SV2C: variants seen among roughly 807,000 people sequenced by gnomAD.
SV2C encodes synaptic vesicle glycoprotein 2C, also known as solute carrier family 22 member B3.
SV2C carries 49 observed loss-of-function variants against 79.7 expected under a neutral mutation model. That is an observed-to-expected ratio of 0.61 (90% CI 0.49 to 0.78). The LOEUF (loss-of-function observed/expected upper bound fraction) is 0.78, where lower values mean the gene tolerates loss of function less well. SV2C is among the 30% of genes least tolerant of loss of function. The pLI is 0.00. For synonymous variants in SV2C, 334 were observed against 333.2 expected (o/e 1.00, Z -0.03); for missense variants, 833 against 912.9 (o/e 0.91, Z 1.13).
upstream of SV2C, among the ~76,000 whole-genome samples, chr5:76,081,241 A>T (rs892270745): frequency 6.6e-6 from 1 of 152,216 alleles, no homozygotes; most frequent in Non-Finnish European, 1.5e-5. Flanking sequence ...TCACGTTTAA[A>T]GTTTGTTTCA....
At chr5:75,980,759 T>C in the SV2C span, among the ~76,000 whole-genome samples, 1 of 152,178 alleles carries the variant, frequency 6.6e-6, no homozygotes, top group African/African-American at 2.4e-5. Context: ...AACATCATAC[T>C]GAATGAGAAA....
chr5:76,177,719 A>C (rs1743583960), intron 2 of SV2C, among the ~76,000 whole-genome samples: 1 of 151,722 alleles, frequency 6.6e-6, no homozygotes, highest in South Asian at 2.1e-4. Context: ...ATTGTATCTC[A>C]CACTCCTGTG....
At chr5:76,133,151 A>G (rs1046245099) in intron 2 of SV2C, among the ~76,000 whole-genome samples, 4 of 152,192 alleles carry the variant, frequency 2.6e-5, no homozygotes, top group Non-Finnish European at 5.9e-5. Context: ...GCATGCAGTG[A>G]ACTCTCCCCT....
At chr5:75,929,640 T>C in the SV2C span, among the ~76,000 whole-genome samples, 1,746 of 152,240 alleles carry the variant, frequency 0.011, 27 homozygotes, top group African/African-American at 0.038. Flanking sequence ...CACTTATGTA[T>C]ATGTACACAA....
intron 4 of SV2C, among the ~76,000 whole-genome samples, chr5:76,247,180 GACTA>G (rs373333131): frequency 1.9e-4 from 29 of 152,162 alleles, no homozygotes; most frequent in African/African-American, 6.5e-4. Flanking sequence ...CTTGAAGAAG[GACTA>G]ACTAAGGATC....
chr5:75,887,382 G>A, the SV2C span, among the ~76,000 whole-genome samples: 8 of 149,160 alleles, frequency 5.4e-5, no homozygotes, highest in African/African-American at 2.0e-4. Context: ...CCAGCCCCCC[G>A]TAACCAAGTT....
chr5:76,041,675 C>G, the SV2C span, among the ~76,000 whole-genome samples: 2 of 152,114 alleles, frequency 1.3e-5, no homozygotes, highest in Non-Finnish European at 2.9e-5. Flanking sequence ...GGAAAGCCCT[C>G]TAGCCTTGGT....
intron 2 of SV2C, among the ~76,000 whole-genome samples, chr5:76,141,251 G>A (rs1749241231): frequency 1.3e-5 from 2 of 152,198 alleles, no homozygotes; most frequent in Admixed American, 6.5e-5. Flanking sequence ...GTGAGAATTT[G>A]ATAGGAAAAT....
intron 2 of SV2C, among the ~76,000 whole-genome samples, chr5:76,149,128 TG>T (rs200383107): frequency 0.012 from 1,889 of 152,324 alleles, 38 homozygotes; most frequent in African/African-American, 0.044. Context: ...GTTTGATTCT[TG>T]CCTTCTGTAT....
chr5:76,273,087 A>G (rs1372598793), intron 4 of SV2C, among the ~76,000 whole-genome samples: 1 of 150,338 alleles, frequency 6.7e-6, no homozygotes, highest in African/African-American at 2.4e-5. Context: ...TTTGGTCAAC[A>G]TTTGACTATC....
At chr5:75,984,557 C>CTA in the SV2C span, among the ~76,000 whole-genome samples, 19,501 of 92,012 alleles carry the variant, frequency 0.21, 1,464 homozygotes, top group East Asian at 0.38. Flanking sequence ...ATCTATCTAT[C>CTA]TATCTATCTA....
chr5:76,313,780 T>C (rs187787787), intron 12 of SV2C, among the ~76,000 whole-genome samples: 150 of 152,326 alleles, frequency 9.8e-4, no homozygotes, highest in Non-Finnish European at 1.6e-3. Flanking sequence ...GACGCTTGTA[T>C]GTTCATTAGG....
chr5:76,312,269 G>A (rs1228725682), intron 12 of SV2C, among the ~76,000 whole-genome samples: 3 of 151,518 alleles, frequency 2.0e-5, no homozygotes, highest in Non-Finnish European at 2.9e-5. Context: ...TTTTTGGGGG[G>A]GGGGACAGGG....
chr5:76,022,122 CTT>C, the SV2C span, among the ~76,000 whole-genome samples: 4 of 152,204 alleles, frequency 2.6e-5, no homozygotes, highest in African/African-American at 7.2e-5. Context: ...GCCTCTCACT[CTT>C]TCTCTCTGGT....
intron 4 of SV2C, among the ~76,000 whole-genome samples, chr5:76,215,029 C>G (rs1744875245): frequency 6.6e-6 from 1 of 152,138 alleles, no homozygotes; most frequent in Non-Finnish European, 1.5e-5. Context: ...CCTAATTGCT[C>G]TGGCTAGGAC....
chr5:76,353,343 T>G (rs549744130), exon 13 of SV2C: 8 of 216,380 alleles, frequency 3.7e-5, no homozygotes, highest in Non-Finnish European at 5.8e-5. Flanking sequence ...TGTTGTCTTT[T>G]TTCTCTCTCT....
chr5:76,341,674 G>A lies in SV2C; in HGVS notation c.2001-11456G>A, dbSNP rs75426288. On this transcript the variant is annotated intron_variant, in intron 12 of 12. Transcript: ENST00000322285. ...TATTTCACTGGGGTTTATAAGGATT[G>A]AGAAAATGTATATAAAAGGTTCAGC... 6.4e-3 allele frequency among the ~76,000 whole-genome samples: 971 copies of A among 152,276 alleles called. 12 individuals are homozygous for A. The highest frequency in any genetic ancestry group is 0.022 in the African/African-American group (923 of 41,546).
the SV2C span, among the ~76,000 whole-genome samples, chr5:75,859,606 A>C: frequency 6.6e-6 from 1 of 152,088 alleles, no homozygotes; most frequent in Non-Finnish European, 1.5e-5. Context: ...GCGGCCTCTG[A>C]GGAGAAAAGT....
intron 2 of SV2C, among the ~76,000 whole-genome samples, chr5:76,192,846 A>C (rs755759346): frequency 6.8e-4 from 103 of 152,238 alleles, no homozygotes; most frequent in Non-Finnish European, 1.2e-3. Context: ...AACAGAGTGC[A>C]AGTAAAGATA....
Sources: gnomAD v4.1 joint callset for allele counts (sites outside exome capture counted in the v4.1 genomes callset) on GRCh38, gnomAD v4.1.1 for gene constraint, MANE v1.5 for transcripts, NCBI Gene and HGNC (gene_info 2026-07-23, HGNC 2026-07-21) for gene names.